TOP2B: variants seen among roughly 807,000 people sequenced by gnomAD.
The protein encoded by TOP2B is DNA topoisomerase 2-beta.
Under a neutral mutation model 193.5 loss-of-function variants are expected in TOP2B, and 51 were observed. The ratio of observed to expected loss-of-function variants is 0.26; its 90% CI spans 0.21 to 0.33. The LOEUF is 0.33. Among genes scored for constraint, TOP2B ranks in the 10% least tolerant of loss-of-function variants. The probability of loss-of-function intolerance (pLI) is 1.00; values close to 1 mark genes in which losing one functional copy is unlikely to be tolerated. For missense variants in TOP2B, 1,378 were observed against 1,909.3 expected (o/e 0.72, Z 5.19); for synonymous variants, 634 against 635.7 (o/e 1.00, Z 0.04).
chr3:25,648,536 A>G (rs1023582835), intron 1 of TOP2B, among the ~76,000 whole-genome samples: 3 of 152,178 alleles, frequency 2.0e-5, no homozygotes, highest in Admixed American at 2.0e-4. Context: ...ACAAAGAAAC[A>G]GGGAAATACA....
In TOP2B at chr3:25,624,375, T is replaced by C. The variant is rs767985627; in HGVS notation, c.2417A>G (p.Gln806Arg). Residue 806 changes from glutamine (Q) to arginine (R), a missense_variant, in exon 20 of 36, where the codon CAG becomes CGG. Coordinates refer to ENST00000264331, the MANE Select transcript of TOP2B (RefSeq NM_001330700.2). ...CCGAGTTCCAAACTGACCAATAGGC[T>C]GAAGCAAGTTAATGTTGTTACTTCC... ...FVGSNNINLL[Q>R]PIGQFGTRLH... 26 of 1,613,846 alleles carry C rather than the reference T, an allele frequency of 1.6e-5. No individual in the cohort carries two copies. Among genetic ancestry groups the C allele is most frequent in the African/African-American group, 2.7e-5 (2 of 74,940 alleles).
Position 25,620,763 on chromosome 3 carries a change from C to A in TOP2B, c.2781G>T (p.Gln927His). Residue 927 changes from glutamine (Q) to histidine (H), a missense_variant, in exon 22 of 36, where the codon CAG (glutamine) becomes CAT (histidine). This residue lies in a region of TOP2B where 379 missense variants were observed against 615.1 expected (regional missense o/e 0.62). Transcript: ENST00000264331. ...CAAATATTTCACCACTGACTGCATACTGGTTTTGACCAAGTTCTTGAATCG... is the reference window on the plus strand; with the variant it reads ...CAAATATTTCACCACTGACTGCATAATGGTTTTGACCAAGTTCTTGAATCG... ...KGTIQELGQN[Q>H]YAVSGEIFVV... The A allele has an allele frequency of 6.2e-7, 1 of 1,613,540 alleles. No individual in the cohort carries two copies. Among genetic ancestry groups the A allele is most frequent in the Non-Finnish European group, 8.5e-7 (1 of 1,179,648 alleles).
At chr3:25,663,890 G>T (rs1703995371) in intron 1 of TOP2B, among the ~76,000 whole-genome samples, 1 of 151,986 alleles carries the variant, frequency 6.6e-6, no homozygotes, top group Non-Finnish European at 1.5e-5. Flanking sequence ...TTGCATTATC[G>T]CCATCCCCAC....
chr3:25,612,641 A>G lies in TOP2B; in HGVS notation c.3660T>C (p.Val1220=), dbSNP rs1354940627. The stretch of plus-strand genomic sequence containing the variant: ...GGAGTTTCTTCACCTTAGGTTTGCC[A>G]ACTTTACCTTTAATTGCTTTTCCAG... ...GMSGKAIKGK[V]GKPKVKKLQL... The change falls in exon 28 of 36, where the codon GTT becomes GTC. Residue 1220 remains valine, a synonymous_variant. Transcript: ENST00000264331. The G allele has an allele frequency of 5.0e-6, 8 of 1,613,774 alleles. No homozygotes were observed. Among genetic ancestry groups the G allele is most frequent in the Non-Finnish European group, 6.8e-6 (8 of 1,179,782 alleles).
chr3:25,614,934 A>G (rs1702465713), intron 27 of TOP2B, among the ~76,000 whole-genome samples: 1 of 152,010 alleles, frequency 6.6e-6, no homozygotes. Context: ...CATTAAACTG[A>G]ATCAATTATT....
At chr3:25,611,299 G>A (rs149040782) in intron 28 of TOP2B, among the ~76,000 whole-genome samples, 1 of 152,148 alleles carries the variant, frequency 6.6e-6, no homozygotes, top group Non-Finnish European at 1.5e-5. Flanking sequence ...AGAGTATCTG[G>A]GTAAATGAAC....
At chr3:25,605,011 T>C (rs905444100) in intron 32 of TOP2B, 141 bp from the exon 33 acceptor site, 2 of 613,296 alleles carry the variant, frequency 3.3e-6, no homozygotes, top group Admixed American at 3.1e-5. Flanking sequence ...ATCCACAATA[T>C]ACAAACAGCT....
At chr3:25,660,884 G>A (rs1296140039) in intron 1 of TOP2B, among the ~76,000 whole-genome samples, 4 of 152,180 alleles carry the variant, frequency 2.6e-5, no homozygotes, top group Non-Finnish European at 5.9e-5. Context: ...TTTTCAAAAA[G>A]AGACTTTACT....
intron 1 of TOP2B, among the ~76,000 whole-genome samples, chr3:25,655,743 C>A (rs113292367): frequency 6.6e-6 from 1 of 152,058 alleles, no homozygotes; most frequent in African/African-American, 2.4e-5. Flanking sequence ...CATGGATGAA[C>A]CTCAAGGATA....
rs773221985 is a variant in TOP2B, at chr3:25,601,109, T to G, written c.4606A>C (p.Thr1536Pro). The G allele has an allele frequency of 6.2e-6, 10 of 1,613,548 alleles. No individual in the cohort carries two copies. The highest frequency in any genetic ancestry group is 4.5e-5 in the East Asian group (2 of 44,876). The change falls in exon 34 of 36, where the codon ACA (threonine) becomes CCA (proline). Residue 1536 changes from threonine (T) to proline (P), a missense_variant. This residue lies in a region of TOP2B where 556 missense variants were observed against 584.2 expected (regional missense o/e 0.95). Coordinates refer to ENST00000264331, the MANE Select transcript of TOP2B (RefSeq NM_001330700.2). Reference sequence around the variant, plus strand: ...AGAAGATAATCCTCACCTTTTGGTGTTGTAGTCTTCTTTGGAATGCCAAAT... The same window carrying G: ...AGAAGATAATCCTCACCTTTTGGTGGTGTAGTCTTCTTTGGAATGCCAAAT... ...SEFGIPKKTT[T>P]PKGKGRGAKK...
intron 20 of TOP2B, 56 bp downstream of exon 20, chr3:25,624,241 G>A: frequency 6.3e-7 from 1 of 1,580,668 alleles, no homozygotes; most frequent in Non-Finnish European, 8.7e-7. Context: ...CGAACATTTA[G>A]TTAGTTGGTT....
At position 25,645,407 on chromosome 3, in the gene TOP2B, AATC is replaced by A; in HGVS notation, c.130_132del (p.Asp44del). ...CTCTCAACAGACAACTTCTTTGAAG[AATC>A]ATTTTTGTTGGCAGTTTCTGACTCT... On this transcript the variant is annotated inframe_deletion, in exon 2 of 36. Transcript: ENST00000264331. The A allele has an allele frequency of 6.2e-7, 1 of 1,613,868 alleles. No homozygotes were observed. Among genetic ancestry groups the A allele is most frequent in the Non-Finnish European group, 8.5e-7 (1 of 1,179,842 alleles).
rs1210996920 is a variant in TOP2B, at chr3:25,664,373, C to T, written c.-76G>A. On this transcript the variant is annotated 5_prime_UTR_variant, in exon 1 of 36. Transcript: ENST00000264331. ...CTCCCTGCGGGCCGCTGGGCCCCGCCGCTCCGCACCCACCGCTCCACTCGC... is the reference window on the plus strand; with the variant it reads ...CTCCCTGCGGGCCGCTGGGCCCCGCTGCTCCGCACCCACCGCTCCACTCGC... 10 of 1,364,852 alleles carry T rather than the reference C, an allele frequency of 7.3e-6. No homozygotes were observed. Among genetic ancestry groups the T allele is most frequent in the Non-Finnish European group, 9.3e-6 (10 of 1,070,326 alleles). 84.5% of individuals were successfully genotyped at this position (1,364,852 alleles called of 1,614,324 possible). A position where few individuals can be genotyped will look rare whatever the true frequency, so the allele number is the denominator to read the frequency against.
In TOP2B at chr3:25,634,799, C is replaced by CAAAAAAAAA. The variant is rs1224120357; in HGVS notation, c.853-786_853-785insTTTTTTTTT. 1.5e-4 allele frequency among the ~76,000 whole-genome samples: 14 copies of CAAAAAAAAA among 96,444 alleles called. 3 individuals are homozygous for CAAAAAAAAA. The highest frequency in any genetic ancestry group is 1.4e-4 in the Non-Finnish European group (7 of 48,954). 63.3% of individuals were successfully genotyped at this position (96,444 alleles called of 152,430 possible). On this transcript the variant is annotated intron_variant, in intron 7 of 35. Transcript: ENST00000264331. ...TTACCAAAAAAAAAAAAAAAAAAAC[C>CAAAAAAAAA]AAAAAAAGGCTTATTCTGCAGGGCA...
At chr3:25,617,275 A>G (rs890912859) in intron 25 of TOP2B, among the ~76,000 whole-genome samples, 1 of 152,178 alleles carries the variant, frequency 6.6e-6, no homozygotes, top group Non-Finnish European at 1.5e-5. Flanking sequence ...GGCAAAAGGC[A>G]AGTGTTGTAG....
chr3:25,654,285 A>AT (rs1703682041), intron 1 of TOP2B, among the ~76,000 whole-genome samples: 1 of 152,204 alleles, frequency 6.6e-6, no homozygotes, highest in Admixed American at 6.5e-5. Context: ...GTTTTCATGC[A>AT]GTAACCATGA....
At chr3:25,617,159 C>T (rs1455564758) in intron 25 of TOP2B, among the ~76,000 whole-genome samples, 1 of 152,048 alleles carries the variant, frequency 6.6e-6, no homozygotes, top group Admixed American at 6.6e-5. Context: ...CATTCTGACA[C>T]TGTAGAAATC....
chr3:25,643,131 G>A (rs1435577998), intron 3 of TOP2B, among the ~76,000 whole-genome samples: 4 of 152,184 alleles, frequency 2.6e-5, no homozygotes, highest in African/African-American at 9.6e-5. Context: ...CACTGATGAG[G>A]TGGGAGAGCA....
Position 25,607,100 on chromosome 3 carries a change from G to A in TOP2B, c.4298+71C>T, listed in dbSNP as rs1702253540. On this transcript the variant is annotated intron_variant, in intron 31 of 35. Transcript: ENST00000264331. The stretch of plus-strand genomic sequence containing the variant: ...AGAATGATAACAATTTCTTAGAAGA[G>A]CTCACTATAATATCTTTGGCAAATG... 9 of 1,546,424 alleles carry A rather than the reference G, an allele frequency of 5.8e-6. No homozygotes were observed. In the South Asian group the frequency reaches 7.7e-5, roughly 13 times the overall value.
Sources: gnomAD v4.1 joint callset for allele counts (sites outside exome capture counted in the v4.1 genomes callset) on GRCh38, gnomAD v4.1.1 for gene constraint, gnomAD v4.1.1 regional missense constraint, MANE v1.5 for transcripts, NCBI Gene and HGNC (gene_info 2026-07-23, HGNC 2026-07-21) for gene names.